CAMK4: variants seen among roughly 807,000 people sequenced by gnomAD.
CAMK4 encodes calcium/calmodulin dependent protein kinase IV, also known as calcium/calmodulin-dependent protein kinase type IV.
Under a neutral mutation model 44.9 loss-of-function variants are expected in CAMK4, and 22 were observed. The ratio of observed to expected loss-of-function variants is 0.49; its 90% CI spans 0.35 to 0.70. CAMK4 has a LOEUF of 0.70. Ranked by LOEUF, CAMK4 falls within the 30% of genes least tolerant of loss-of-function variation. The pLI, the probability that CAMK4 is intolerant of heterozygous loss-of-function variation, is 0.01. For synonymous variants in CAMK4, 218 were observed against 215.4 expected (o/e 1.01, Z -0.11); for missense variants, 498 against 586.8 (o/e 0.85, Z 1.56).
intron 5 of CAMK4, among the ~76,000 whole-genome samples, chr5:111,422,440 C>T (rs922023947): frequency 1.3e-5 from 2 of 152,208 alleles, no homozygotes; most frequent in Non-Finnish European, 2.9e-5. Context: ...AGTGAAACCC[C>T]AGGCTGTTAA....
intron 7 of CAMK4, among the ~76,000 whole-genome samples, chr5:111,467,156 C>T (rs957121732): frequency 6.6e-6 from 1 of 151,920 alleles, no homozygotes. Context: ...GAAACTGGAT[C>T]CTCATCCCTC....
chr5:111,438,359 A>G (rs1387015097), intron 5 of CAMK4, among the ~76,000 whole-genome samples: 1 of 152,218 alleles, frequency 6.6e-6, no homozygotes, highest in Non-Finnish European at 1.5e-5. Context: ...ATTACGTAGT[A>G]TGTTTAGTTA....
At chr5:111,419,326 G>C in intron 5 of CAMK4, among the ~76,000 whole-genome samples, 1 of 152,088 alleles carries the variant, frequency 6.6e-6, no homozygotes, top group Non-Finnish European at 1.5e-5. Context: ...TGAGTTCATT[G>C]TAGATTCTGG....
At chr5:111,277,663 G>A (rs1341677537) in intron 1 of CAMK4, 1 of 151,974 alleles carries the variant, frequency 6.6e-6, no homozygotes, top group African/African-American at 2.4e-5. Context: ...ATTTTAAAAG[G>A]CTGGCCATGA....
rs1354269597 is a variant in CAMK4, at chr5:111,359,251, TAACCA to T, written c.240+15150_240+15154del. Among the ~76,000 whole-genome samples, 10 of 3,274 alleles carry T rather than the reference TAACCA, an allele frequency of 3.1e-3. 3 individuals are homozygous for T. The highest frequency in any genetic ancestry group is 8.5e-3 in the Non-Finnish European group (7 of 828). 2.1% of individuals were successfully genotyped at this position (3,274 alleles called of 152,430 possible). A position where few individuals can be genotyped will look rare whatever the true frequency, so the allele number is the denominator to read the frequency against. On this transcript the variant is annotated intron_variant, in intron 2 of 10. Transcript: ENST00000282356. ...CATCTGTGATTTTTTTGACTAATAG[TAACCA>T]TTGTGACTGGTGTGAGATGGTATTT...
At chr5:111,285,929 A>G (rs1751222390) in intron 1 of CAMK4, among the ~76,000 whole-genome samples, 1 of 152,084 alleles carries the variant, frequency 6.6e-6, no homozygotes, top group East Asian at 1.9e-4. Flanking sequence ...GGTGAGAAGG[A>G]CCCTTCATTA....
intron 5 of CAMK4, among the ~76,000 whole-genome samples, chr5:111,444,075 C>T (rs960115637): frequency 2.0e-5 from 3 of 152,210 alleles, no homozygotes; most frequent in African/African-American, 4.8e-5. Context: ...TCTTTTCCTT[C>T]GTTGTTATTT....
At chr5:111,300,888 G>GA (rs1032832534) in intron 1 of CAMK4, among the ~76,000 whole-genome samples, 2 of 152,104 alleles carry the variant, frequency 1.3e-5, no homozygotes, top group Non-Finnish European at 2.9e-5. Flanking sequence ...TTAATTTTGG[G>GA]AAAAAACTTG....
intron 1 of CAMK4, among the ~76,000 whole-genome samples, chr5:111,341,524 A>T (rs950268937): frequency 2.0e-5 from 3 of 151,120 alleles, no homozygotes; most frequent in Non-Finnish European, 4.4e-5. Flanking sequence ...TATGTGTAGG[A>T]CTATTTTTGG....
intron 7 of CAMK4, among the ~76,000 whole-genome samples, chr5:111,471,302 G>C (rs1169209056): frequency 1.3e-5 from 2 of 152,128 alleles, no homozygotes; most frequent in African/African-American, 4.8e-5. Flanking sequence ...TTCTGCTCTT[G>C]CCAGTCCTCT....
intron 5 of CAMK4, among the ~76,000 whole-genome samples, chr5:111,406,808 C>A (rs993797231): frequency 1.3e-5 from 2 of 152,068 alleles, no homozygotes; most frequent in Non-Finnish European, 2.9e-5. Flanking sequence ...CAAGGAAATG[C>A]CTCAGGATTA....
At chr5:111,242,511 C>G (rs1000866036) in intron 1 of CAMK4, among the ~76,000 whole-genome samples, 2 of 152,100 alleles carry the variant, frequency 1.3e-5, no homozygotes, top group African/African-American at 4.8e-5. Context: ...GGTTATTGCA[C>G]TGGTATTTAA....
At chr5:111,458,162 G>T (rs55720525) in intron 7 of CAMK4, among the ~76,000 whole-genome samples, 1 of 152,176 alleles carries the variant, frequency 6.6e-6, no homozygotes, top group Non-Finnish European at 1.5e-5. Flanking sequence ...TCCCCAAGCC[G>T]TCATATAACT....
chr5:111,450,924 A>G (rs1461655583), intron 7 of CAMK4, among the ~76,000 whole-genome samples: 1 of 152,170 alleles, frequency 6.6e-6, no homozygotes, highest in Non-Finnish European at 1.5e-5. Flanking sequence ...CTTGTTTTCT[A>G]TAGCGCTTAT....
chr5:111,231,439 A>G (rs1248324152), intron 1 of CAMK4, among the ~76,000 whole-genome samples: 1 of 152,212 alleles, frequency 6.6e-6, no homozygotes, highest in Non-Finnish European at 1.5e-5. Context: ...TGACACCCTT[A>G]TAAGTTGTTA....
At chr5:111,382,609 A>G (rs1751458386) in intron 4 of CAMK4, among the ~76,000 whole-genome samples, 1 of 152,176 alleles carries the variant, frequency 6.6e-6, no homozygotes, top group Non-Finnish European at 1.5e-5. Context: ...ACATGATACT[A>G]TTTAATCATT....
At chr5:111,226,942 C>G (rs1393939929) in intron 1 of CAMK4, among the ~76,000 whole-genome samples, 1 of 152,166 alleles carries the variant, frequency 6.6e-6, no homozygotes, top group Non-Finnish European at 1.5e-5. Flanking sequence ...CTAAGATTCT[C>G]GCTCTATTAT....
At chr5:111,412,925 T>C (rs1752680750) in intron 5 of CAMK4, among the ~76,000 whole-genome samples, 1 of 152,204 alleles carries the variant, frequency 6.6e-6, no homozygotes, top group South Asian at 2.1e-4. Context: ...GGTAAAAGTA[T>C]GACTGCAGAA....
Position 111,484,321 on chromosome 5 carries a change from A to C in CAMK4, c.1277A>C (p.Lys426Thr), listed in dbSNP as rs1298694306. 1 of 1,614,016 alleles carries C rather than the reference A, an allele frequency of 6.2e-7. No homozygotes were observed. Among genetic ancestry groups the C allele is most frequent in the South Asian group, 1.1e-5 (1 of 91,056 alleles). ...MVPKAVEDGI[K>T]VADLELEEGL... is the part of the protein sequence containing the mutation. The stretch of plus-strand genomic sequence containing the variant: ...CCCAAGGCAGTGGAGGATGGGATAA[A>C]GGTGGCTGACCTGGAACTAGAGGAG... Residue 426 changes from lysine to threonine, a missense_variant, in exon 11 of 11, where the codon AAG becomes ACG. Physicochemically the swap from Lys to Thr is moderately conservative, Grantham distance 78. Coordinates refer to ENST00000282356, the MANE Select transcript of CAMK4 (RefSeq NM_001744.6). The surrounding 1 kb of genome is among the most constrained non-coding windows in gnomAD (Gnocchi z 5.3).
Sources: allele counts gnomAD v4.1 joint callset (sites outside exome capture counted in the v4.1 genomes callset), GRCh38; gene constraint gnomAD v4.1.1; non-coding constraint Gnocchi (gnomAD v3.1); transcripts MANE v1.5; gene names NCBI Gene and HGNC (gene_info 2026-07-23, HGNC 2026-07-21).